GSPT1: variants seen among roughly 807,000 people sequenced by gnomAD.
GSPT1 encodes G1 to S phase transition 1, also known as eukaryotic peptide chain release factor GTP-binding subunit ERF3A.
Under a neutral mutation model 72.5 loss-of-function variants are expected in GSPT1, and 20 were observed. That is an observed-to-expected ratio of 0.28 (90% confidence interval 0.19 to 0.40). The LOEUF (loss-of-function observed/expected upper bound fraction) is 0.40. Among genes scored for constraint, GSPT1 ranks in the 10% least tolerant of loss-of-function variants. GSPT1 has a pLI of 1.00. For synonymous variants in GSPT1, 334 were observed against 293.5 expected, an observed-to-expected ratio of 1.14 and a Z score of -1.41; for missense variants, 580 against 811.9, an observed-to-expected ratio of 0.71 and a Z score of 3.47.
At chr16:11,888,988 G>A (rs1322271503) in intron 6 of GSPT1, among the ~76,000 whole-genome samples, 1 of 152,034 alleles carries the variant, frequency 6.6e-6, no homozygotes, top group East Asian at 1.9e-4. Context: ...ACAAATAATG[G>A]CTGTCTTGAG....
chr16:11,900,682 TATG>T (rs1428548172), intron 1 of GSPT1, among the ~76,000 whole-genome samples: 1 of 152,174 alleles, frequency 6.6e-6, no homozygotes, highest in African/African-American at 2.4e-5. Context: ...GACACACAGT[TATG>T]ATGTACTGCG....
At chr16:11,907,303 T>G (rs2054501795) in intron 1 of GSPT1, among the ~76,000 whole-genome samples, 1 of 152,162 alleles carries the variant, frequency 6.6e-6, no homozygotes, top group Non-Finnish European at 1.5e-5. Flanking sequence ...GAATAAACTT[T>G]GAAATGACCT....
At position 11,915,648 on chromosome 16, in the gene GSPT1, C is replaced by CGCTGCTGCT. The variant is rs1243988404; in HGVS notation, c.64_72dup (p.Ser22_Ser24dup). 1 of 1,483,254 alleles carries CGCTGCTGCT rather than the reference C, an allele frequency of 6.7e-7. No homozygotes were observed. The highest frequency in any genetic ancestry group is 8.9e-7 in the Non-Finnish European group (1 of 1,120,872). The allele number at this position is 1,483,254 out of a possible 1,614,324, so 91.9% of individuals were successfully genotyped here. A position where few individuals can be genotyped will look rare whatever the true frequency, so the allele number is the denominator to read the frequency against. ...TGGTCCCAGCAGTCAGGCGCCGAGT[C>CGCTGCTGCT]GCTGCTGCTGCTGCCGCTGCTGCTC... On this transcript the variant is annotated inframe_insertion, in exon 1 of 15. Transcript: ENST00000434724.
chr16:11,916,009 C>A, upstream of GSPT1: 3 of 673,578 alleles, frequency 4.5e-6, no homozygotes, highest in Admixed American at 1.8e-5. Flanking sequence ...ACCCCACCCC[C>A]GGCGCGGATT....
intron 6 of GSPT1, among the ~76,000 whole-genome samples, chr16:11,888,638 T>A (rs1274400772): frequency 1.3e-5 from 2 of 151,964 alleles, no homozygotes; most frequent in African/African-American, 4.8e-5. Flanking sequence ...GGCGGGCGCC[T>A]GTAGTCCCAG....
chr16:11,876,719 G>A (rs1407963347), intron 12 of GSPT1, among the ~76,000 whole-genome samples: 1 of 152,098 alleles, frequency 6.6e-6, no homozygotes, highest in African/African-American at 2.4e-5. Flanking sequence ...CTCCAGCCTG[G>A]GTGACAGAGC....
chr16:11,892,436 G>A (rs1269388540), intron 5 of GSPT1, among the ~76,000 whole-genome samples: 2 of 147,154 alleles, frequency 1.4e-5, no homozygotes, highest in African/African-American at 2.5e-5. Flanking sequence ...CTGAGTCCAT[G>A]AGGTTGAGGC....
chr16:11,904,369 AT>A (rs1256940171), intron 1 of GSPT1, among the ~76,000 whole-genome samples: 1 of 151,816 alleles, frequency 6.6e-6, no homozygotes, highest in Non-Finnish European at 1.5e-5. Flanking sequence ...CGCCTGGGTA[AT>A]TTTTTGTATT....
At chr16:11,883,340 G>A (rs2054144624) in intron 10 of GSPT1, among the ~76,000 whole-genome samples, 1 of 151,806 alleles carries the variant, frequency 6.6e-6, no homozygotes, top group South Asian at 2.1e-4. Context: ...CAAGCTGGAT[G>A]TGGTGGCTCA....
intron 14 of GSPT1, among the ~76,000 whole-genome samples, chr16:11,873,394 C>G (rs887885177): frequency 6.6e-6 from 1 of 152,118 alleles, no homozygotes; most frequent in African/African-American, 2.4e-5. Context: ...AAAAACCTAT[C>G]TCCCCCCGTA....
chr16:11,910,851 A>T (rs1044913163), intron 1 of GSPT1, among the ~76,000 whole-genome samples: 1 of 152,236 alleles, frequency 6.6e-6, no homozygotes, highest in Non-Finnish European at 1.5e-5. Flanking sequence ...CCAGTCAAAA[A>T]TTCTAACAGT....
Position 11,886,460 on chromosome 16 carries a change from C to T in GSPT1, c.1253+11G>A, listed in dbSNP as rs938534516. ...TTTCCTTTTTAAAAAAAGGAAAAAACAGTTACTTACATGTACCAAGGACAG... is the reference window on the plus strand; with the variant it reads ...TTTCCTTTTTAAAAAAAGGAAAAAATAGTTACTTACATGTACCAAGGACAG... On this transcript the variant is annotated intron_variant, in intron 9 of 14. Transcript: ENST00000434724. 5 of 1,587,032 alleles carry T rather than the reference C, an allele frequency of 3.2e-6. No individual in the cohort carries two copies. The African/African-American group carries it at 4.1e-5, about 13-fold the overall frequency.
chr16:11,912,303 G>A (rs867508922), intron 1 of GSPT1, among the ~76,000 whole-genome samples: 4 of 148,830 alleles, frequency 2.7e-5, no homozygotes, highest in East Asian at 4.0e-4. Flanking sequence ...AGCCGAGATC[G>A]TGCCATTGCA....
intron 6 of GSPT1, among the ~76,000 whole-genome samples, chr16:11,888,936 C>T (rs2054218956): frequency 6.6e-6 from 1 of 152,110 alleles, no homozygotes; most frequent in Non-Finnish European, 1.5e-5. Context: ...AATGAGCTCC[C>T]TTATTACTTC....
chr16:11,878,568 T>G (rs1190090366), intron 11 of GSPT1, among the ~76,000 whole-genome samples: 1 of 147,820 alleles, frequency 6.8e-6, no homozygotes, highest in Non-Finnish European at 1.5e-5. Flanking sequence ...CACTGTAGCC[T>G]GAGTGACACA....
At position 11,915,946 on chromosome 16, in the gene GSPT1, T is replaced by A. The variant is rs776571849; in HGVS notation, c.-226A>T. 2 of 741,258 alleles carry A rather than the reference T, an allele frequency of 2.7e-6. No homozygotes were observed. Among genetic ancestry groups the A allele is most frequent in the African/African-American group, 1.7e-5 (1 of 57,644 alleles). 45.9% of individuals were successfully genotyped at this position (741,258 alleles called of 1,614,324 possible). A position where few individuals can be genotyped will look rare whatever the true frequency, so the allele number is the denominator to read the frequency against. On this transcript the variant is annotated 5_prime_UTR_variant, in exon 1 of 15. Coordinates refer to ENST00000434724, the MANE Select transcript of GSPT1 (RefSeq NM_002094.4). ...GGCGGCAGCTCAACCCTCCTCCTCG[T>A]GTGTGTGAGCGGATCTCCTCCCACC...
chr16:11,912,587 C>T (rs977191922), intron 1 of GSPT1, among the ~76,000 whole-genome samples: 3 of 152,154 alleles, frequency 2.0e-5, no homozygotes, highest in Non-Finnish European at 2.9e-5. Flanking sequence ...ATGCAAAGAA[C>T]ACCACATCAT....
At chr16:11,905,567 A>T (rs2054478402) in intron 1 of GSPT1, among the ~76,000 whole-genome samples, 1 of 152,068 alleles carries the variant, frequency 6.6e-6, no homozygotes, top group Non-Finnish European at 1.5e-5. Context: ...AGTGGCTCAC[A>T]CCTGTACCTG....
rs1332925178 is a variant in GSPT1, at chr16:11,898,030, C to T, written c.358G>A (p.Val120Met). The change falls in exon 2 of 15, where the codon GTG becomes ATG. Residue 120 changes from valine (V) to methionine (M), a missense_variant. By Grantham distance (21) the Val-to-Met change is conservative. Coordinates refer to ENST00000434724, the MANE Select transcript of GSPT1 (RefSeq NM_002094.4). ...GACTGTTCCTCTTGAGAGGATTCCA[C>T]AGGTGCTGTTTAACAGAAAGAAGTT... ...GSGAGGRAAP[V>M]ESSQEEQSLC... The T allele has an allele frequency of 1.9e-6, 3 of 1,543,472 alleles. No individual in the cohort carries two copies. Among genetic ancestry groups the T allele is most frequent in the South Asian group, 1.2e-5 (1 of 84,100 alleles).
Sources: gnomAD v4.1 joint callset for allele counts (sites outside exome capture counted in the v4.1 genomes callset) on GRCh38, gnomAD v4.1.1 for gene constraint, MANE v1.5 for transcripts, NCBI Gene and HGNC (gene_info 2026-07-23, HGNC 2026-07-21) for gene names.